The following NOTCH4 variants were observed in gnomAD, a reference collection of about 807,000 sequenced individuals.
The protein encoded by NOTCH4 is notch receptor 4.
A neutral mutation model predicts 189.0 loss-of-function variants in NOTCH4; 138 were observed. The ratio of observed to expected loss-of-function variants is 0.73; its 90% CI spans 0.64 to 0.84. The LOEUF (loss-of-function observed/expected upper bound fraction) is 0.84, where lower values mean the gene tolerates loss of function less well. Among genes scored for constraint, NOTCH4 ranks in the 40% least tolerant of loss-of-function variants. The pLI, the probability that NOTCH4 is intolerant of heterozygous loss-of-function variation, is 0.00. For synonymous variants in NOTCH4, 942 were observed against 1,032.8 expected (o/e 0.91, Z 1.69); for missense variants, 2,286 against 2,605.4 (o/e 0.88, Z 2.67).
intron 26 of NOTCH4, among the ~76,000 whole-genome samples, chr6:32,197,933 T>C (rs1356181288): frequency 2.6e-5 from 4 of 151,218 alleles, no homozygotes; most frequent in Non-Finnish European, 4.4e-5. Flanking sequence ...GCCATTCTCC[T>C]GCCTTAGCCT....
At position 32,202,228 on chromosome 6, in the gene NOTCH4, C is replaced by T; in HGVS notation, c.3603G>A (p.Gly1201=). The change falls in exon 21 of 30, where the codon GGG becomes GGA. Residue 1201 remains glycine, a synonymous_variant. Transcript: ENST00000375023. This position sits in a 1 kb window ranked among gnomAD's most constrained non-coding sequence, Gnocchi z 5.7. ...CSGPGGNWDG[G]DCSLGVPDPW... is the part of the protein sequence containing the mutation. Reference sequence around the variant, plus strand: ...GGTCTGGGACTCCCAGAGAGCAGTCCCCTCCATCCCAGTTTCCTCCCGGGC... The same window carrying T: ...GGTCTGGGACTCCCAGAGAGCAGTCTCCTCCATCCCAGTTTCCTCCCGGGC... The T allele has an allele frequency of 6.4e-7, 1 of 1,554,846 alleles. No homozygotes were observed. The highest frequency in any genetic ancestry group is 1.4e-5 in the African/African-American group (1 of 73,272).
chr6:32,202,367 G>A lies in NOTCH4; in HGVS notation c.3464C>T (p.Pro1155Leu). ...SCSETTGLGG[P>L]GFRCSCPHSS... is the part of the protein sequence containing the mutation. ...GTGAGGGCAGGAGCATCGAAAGCCTGGGCCCCCCAAGCCCGTGGTCTCTGA... is the reference window on the plus strand; with the variant it reads ...GTGAGGGCAGGAGCATCGAAAGCCTAGGCCCCCCAAGCCCGTGGTCTCTGA... The change falls in exon 21 of 30, where the codon CCA (proline) becomes CTA (leucine). Residue 1155 changes from proline to leucine, a missense_variant. Physicochemically the swap from Pro to Leu is moderately conservative, Grantham distance 98 (BLOSUM62 -3). This residue lies in a region of NOTCH4 where 1,903 missense variants were observed against 2,261.9 expected (regional missense o/e 0.84). Transcript: ENST00000375023. The surrounding 1 kb of genome is among the most constrained non-coding windows in gnomAD (Gnocchi z 5.7). The A allele has an allele frequency of 1.2e-6, 2 of 1,612,834 alleles. No homozygotes were observed. Among genetic ancestry groups the A allele is most frequent in the Non-Finnish European group, 1.7e-6 (2 of 1,179,974 alleles).
chr6:32,218,388 G>A (rs1306833333), intron 8 of NOTCH4, among the ~76,000 whole-genome samples: 2 of 152,090 alleles, frequency 1.3e-5, no homozygotes, highest in African/African-American at 4.8e-5. Context: ...TACAGAGGGC[G>A]GGGCTCACCA....
Position 32,217,216 on chromosome 6 carries a change from G to T in NOTCH4, c.1675C>A (p.Pro559Thr), listed in dbSNP as rs777267478. The part of the protein sequence containing the change: ...EEDIDECRSS[P>T]CANGGQCQDQ... ...TGGCACTGCCCACCATTGGCACAGG[G>T]AGAGCTTCTGCACTCATCGATATCC... The change falls in exon 10 of 30, where the codon CCC becomes ACC. Residue 559 changes from proline (P) to threonine (T), a missense_variant. Pro to Thr is a conservative substitution (Grantham distance 38). This residue lies in a region of NOTCH4 where 1,903 missense variants were observed against 2,261.9 expected (regional missense o/e 0.84). Transcript: ENST00000375023. The surrounding 1 kb of genome is among the most constrained non-coding windows in gnomAD (Gnocchi z 4.2). 6.2e-7 allele frequency: 1 copy of T among 1,613,102 alleles called. No individual in the cohort carries two copies.
Position 32,202,356 on chromosome 6 carries a change from A to G in NOTCH4, c.3475T>C (p.Cys1159Arg). ...TTGLGGPGFR[C>R]SCPHSSPGPR... is the part of the protein sequence containing the mutation. ...CCTGGAGAGCTGTGAGGGCAGGAGCATCGAAAGCCTGGGCCCCCCAAGCCC... is the reference window on the plus strand; with the variant it reads ...CCTGGAGAGCTGTGAGGGCAGGAGCGTCGAAAGCCTGGGCCCCCCAAGCCC... Residue 1159 changes from cysteine (C) to arginine (R), a missense_variant, in exon 21 of 30, where the codon TGC (cysteine) becomes CGC (arginine). Transcript: ENST00000375023. This position sits in a 1 kb window ranked among gnomAD's most constrained non-coding sequence, Gnocchi z 5.7. 2 of 1,612,838 alleles carry G rather than the reference A, an allele frequency of 1.2e-6. No homozygotes were observed. The highest frequency in any genetic ancestry group is 1.7e-6 in the Non-Finnish European group (2 of 1,179,970).
Position 32,222,943 on chromosome 6 carries a change from C to T in NOTCH4, c.155+62G>A, listed in dbSNP as rs1379554351. The stretch of plus-strand genomic sequence containing the variant: ...CTTCTTTGGTCTCACTTCCTCACCT[C>T]TCCCCCCCTGCTCTCCCTCCCCCTT... On this transcript the variant is annotated intron_variant, in intron 2 of 29. Coordinates refer to ENST00000375023, the MANE Select transcript of NOTCH4 (RefSeq NM_004557.4). 5 of 1,556,088 alleles carry T rather than the reference C, an allele frequency of 3.2e-6. No homozygotes were observed. The Admixed American group carries it at 6.7e-5, about 21-fold the overall frequency.
intron 18 of NOTCH4, among the ~76,000 whole-genome samples, chr6:32,205,063 G>A (rs57817404): frequency 1.3e-5 from 2 of 152,306 alleles, no homozygotes; most frequent in East Asian, 3.9e-4. Context: ...CTCAGCTAGT[G>A]AGAGAAGGGT....
rs1261240603 is a variant in NOTCH4 at position 32,198,741 on chromosome 6, A to G, written c.4536-11T>C. ...TTTGGCTTCAGTGCCCTGGAAAGGA[A>G]TGGGTGGGTAGAGGTTACACGGAAT... On this transcript the variant is annotated splice_polypyrimidine_tract_variant and intron_variant, in intron 24 of 29. Coordinates refer to ENST00000375023, the MANE Select transcript of NOTCH4 (RefSeq NM_004557.4). This position sits in a 1 kb window ranked among gnomAD's most constrained non-coding sequence, Gnocchi z 5.5. The G allele has an allele frequency of 6.2e-7, 1 of 1,605,578 alleles. No homozygotes were observed. The highest frequency in any genetic ancestry group is 1.1e-5 in the South Asian group (1 of 89,762).
rs2127460962 is a variant in NOTCH4 at position 32,197,360 on chromosome 6, T to C, written c.4991A>G (p.Asp1664Gly). ...LEAGANPNQP[D>G]RAGRTPLHAA... ...ATGAAGGGGTGTGCGCCCTGCCCGG[T>C]CTGGCTGGTTGGGGTTGGCTCCAGC... Residue 1664 changes from aspartate to glycine, a missense_variant, in exon 27 of 30, where the codon GAC becomes GGC. Asp to Gly is a moderately conservative substitution (Grantham distance 94). Around this residue, in one of 2 missense-constraint regions of NOTCH4, gnomAD observed 1,903 missense variants for 2,261.9 expected, o/e 0.84. Coordinates refer to ENST00000375023, the MANE Select transcript of NOTCH4 (RefSeq NM_004557.4). 1 of 1,534,784 alleles carries C rather than the reference T, an allele frequency of 6.5e-7. No homozygotes were observed. The highest frequency in any genetic ancestry group is 8.8e-7 in the Non-Finnish European group (1 of 1,141,904).
rs1788497127 is a variant in NOTCH4, at chr6:32,203,762, T to A, written c.3231+8A>T. 1 of 1,547,250 alleles carries A rather than the reference T, an allele frequency of 6.5e-7. No homozygotes were observed. Among genetic ancestry groups the A allele is most frequent in the Non-Finnish European group, 8.7e-7 (1 of 1,144,344 alleles). ...GGCAACAGAGAAGGCAGATTTGTGG[T>A]CACTTGCCTTGGGGCAGTGGCAGAT... On this transcript the variant is annotated splice_region_variant and intron_variant, in intron 20 of 29. Coordinates refer to ENST00000375023, the MANE Select transcript of NOTCH4 (RefSeq NM_004557.4).
rs1378374299 is a variant in NOTCH4 at position 32,210,166 on chromosome 6, G to C, written c.2865+586C>G. Among the ~76,000 whole-genome samples, 1 of 152,204 alleles carries C rather than the reference G, an allele frequency of 6.6e-6. No homozygotes were observed. The highest frequency in any genetic ancestry group is 1.5e-5 in the Non-Finnish European group (1 of 68,046). Reference sequence around the variant, plus strand: ...CTCCTGAACACCAGCCTGTGGAAGAGGGGTTGGGAAGGCCATTCCAGGTAG... The same window carrying C: ...CTCCTGAACACCAGCCTGTGGAAGACGGGTTGGGAAGGCCATTCCAGGTAG... On this transcript the variant is annotated intron_variant, in intron 18 of 29. Coordinates refer to ENST00000375023, the MANE Select transcript of NOTCH4 (RefSeq NM_004557.4). This position sits in a 1 kb window ranked among gnomAD's most constrained non-coding sequence, Gnocchi z 4.8.
Position 32,202,776 on chromosome 6 carries a change from T to G in NOTCH4, c.3232-177A>C. ...ATGTTGAAACCATGTCCTGTGGTAA[T>G]TTCACACAATGACATATTACATTCT... is the stretch of plus-strand genomic sequence containing the variant. On this transcript the variant is annotated intron_variant, in intron 20 of 29. Transcript: ENST00000375023. This position sits in a 1 kb window ranked among gnomAD's most constrained non-coding sequence, Gnocchi z 5.7. 3.5e-6 allele frequency: 2 copies of G among 578,160 alleles called. No individual in the cohort carries two copies. The highest frequency in any genetic ancestry group is 6.0e-6 in the Non-Finnish European group (2 of 332,506). 35.8% of individuals were successfully genotyped at this position (578,160 alleles called of 1,614,324 possible).
chr6:32,217,996 A>G lies in NOTCH4; in HGVS notation c.1623T>C (p.Pro541=), dbSNP rs767265748. 1 of 1,605,232 alleles carries G rather than the reference A, an allele frequency of 6.2e-7. No individual in the cohort carries two copies. Among genetic ancestry groups the G allele is most frequent in the Non-Finnish European group, 8.5e-7 (1 of 1,172,186 alleles). ...LLNGFQCICL[P]GFSGTRCEED... is the part of the protein sequence containing the mutation. The stretch of plus-strand genomic sequence containing the variant: ...GGCCAGAGAGGCATCTGTACTCACC[A>G]GGCAGGCAGATGCACTGGAAGCCGT... The change falls in exon 9 of 30, where the codon CCT becomes CCC. Residue 541 remains proline (P), a splice_region_variant and synonymous_variant. Transcript: ENST00000375023. This position sits in a 1 kb window ranked among gnomAD's most constrained non-coding sequence, Gnocchi z 4.2.
chr6:32,220,393 C>G lies in NOTCH4; in HGVS notation c.1159+12G>C, dbSNP rs1389705885. 6.2e-7 allele frequency: 1 copy of G among 1,613,936 alleles called. No homozygotes were observed. The highest frequency in any genetic ancestry group is 1.7e-5 in the Admixed American group (1 of 60,028). On this transcript the variant is annotated intron_variant, in intron 6 of 29. Coordinates refer to ENST00000375023, the MANE Select transcript of NOTCH4 (RefSeq NM_004557.4). ...TCTACCTCCCACCTCCTGATACCCTCTACCCCCATACCTGTGCGTCCAGGT... is the reference window on the plus strand; with the variant it reads ...TCTACCTCCCACCTCCTGATACCCTGTACCCCCATACCTGTGCGTCCAGGT...
At chr6:32,209,013 C>T (rs1202670101) in intron 18 of NOTCH4, among the ~76,000 whole-genome samples, 1 of 152,000 alleles carries the variant, frequency 6.6e-6, no homozygotes, top group Non-Finnish European at 1.5e-5. Flanking sequence ...GTGCCATCAA[C>T]AAATGAATGG....
At position 32,196,163 on chromosome 6, in the gene NOTCH4, GC is replaced by G; in HGVS notation, c.5299-14del. 6.3e-7 allele frequency: 1 copy of G among 1,588,408 alleles called. No homozygotes were observed. ...GCGGCGTCTGCTCCTGTACAGAAGA[GC>G]CAGGGCCGATATCAGGGAAGGCCAC... On this transcript the variant is annotated splice_polypyrimidine_tract_variant and intron_variant, in intron 29 of 29. Transcript: ENST00000375023.
At position 32,210,943 on chromosome 6, in the gene NOTCH4, A is replaced by G. The variant is rs778120987; in HGVS notation, c.2681-7T>C. 1.3e-6 allele frequency: 2 copies of G among 1,574,194 alleles called. No homozygotes were observed. The highest frequency in any genetic ancestry group is 2.4e-5 in the South Asian group (2 of 84,768). On this transcript the variant is annotated splice_region_variant and splice_polypyrimidine_tract_variant and intron_variant, in intron 17 of 29. Transcript: ENST00000375023. The surrounding 1 kb of genome is among the most constrained non-coding windows in gnomAD (Gnocchi z 4.8). ...AGGGAAGAGACGTCTATGCCTGGGG[A>G]GAGAGACAAACAGGGATATACAAAG...
chr6:32,222,545 GC>G lies in NOTCH4; in HGVS notation c.416del (p.Gly139AlafsTer113). The G allele has an allele frequency of 1.3e-6, 2 of 1,563,602 alleles. No individual in the cohort carries two copies. Among genetic ancestry groups the G allele is most frequent in the Admixed American group, 2.0e-5 (1 of 49,180 alleles). ...KRGRCHIQAS[G>X]RPQCSCMPGW... is the part of the protein sequence containing the mutation. Reference sequence around the variant, plus strand: ...CAGGCATGCAGGAGCACTGTGGGCGGCCCGAGGCCTGGATGTGGCAGCGGCC... The same window carrying G: ...CAGGCATGCAGGAGCACTGTGGGCGGCCGAGGCCTGGATGTGGCAGCGGCC... On this transcript the variant is annotated frameshift_variant, in exon 3 of 30. Transcript: ENST00000375023. LOFTEE classifies it high-confidence loss of function.
chr6:32,220,009 G>T, intron 7 of NOTCH4, 120 bp downstream of exon 7: 1 of 1,250,874 alleles, frequency 8.0e-7, no homozygotes, highest in Non-Finnish European at 1.1e-6. Context: ...GCCAAATCTG[G>T]GCAAATTCAA....
Sources: gnomAD v4.1 joint callset for allele counts (sites outside exome capture counted in the v4.1 genomes callset) on GRCh38, gnomAD v4.1.1 for gene constraint, gnomAD v4.1.1 regional missense constraint, Gnocchi (gnomAD v3.1) non-coding constraint, MANE v1.5 for transcripts, NCBI Gene and HGNC (gene_info 2026-07-23, HGNC 2026-07-21) for gene names.